Variants in GANAB observed in about 807,000 individuals in gnomAD.
The protein encoded by GANAB is neutral alpha-glucosidase AB.
GANAB carries 35 observed loss-of-function variants against 129.9 expected under a neutral mutation model. The ratio of observed to expected loss-of-function variants is 0.27; its 90% CI spans 0.21 to 0.36. The LOEUF (loss-of-function observed/expected upper bound fraction) is 0.36. GANAB is among the 10% of genes least tolerant of loss of function. GANAB has a pLI of 1.00. For synonymous variants in GANAB, 482 were observed against 451.8 expected, an observed-to-expected ratio of 1.07 and a Z score of -0.85; for missense variants, 939 against 1,221.0, an observed-to-expected ratio of 0.77 and a Z score of 3.44.
chr11:62,627,048 C>A lies in GANAB; in HGVS notation c.2322G>T (p.Glu774Asp), dbSNP rs757605917. Residue 774 changes from glutamate (E) to aspartate (D), a missense_variant and splice_region_variant, in exon 19 of 24, where the codon GAG becomes GAT. Around this residue, in one of 5 missense-constraint regions of GANAB, gnomAD observed 230 missense variants for 259.9 expected, o/e 0.89. Transcript: ENST00000356638. ...CCCACCATGCCCTTCCTTAACTCAC[C>A]TCCCCTTGGCCAGGCAGATAGACCT... ...GVQVYLPGQG[E>D]VWYDIQSYQK... The A allele has an allele frequency of 6.2e-7, 1 of 1,612,934 alleles. No homozygotes were observed. The highest frequency in any genetic ancestry group is 8.5e-7 in the Non-Finnish European group (1 of 1,179,028).
chr11:62,625,982 A>C, intron 23 of GANAB, 58 bp from the exon 24 acceptor site: 1 of 1,454,902 alleles, frequency 6.9e-7, no homozygotes, highest in Non-Finnish European at 9.7e-7. Context: ...CATAACAACA[A>C]CGTTCCTACA....
intron 17 of GANAB, 114 bp downstream of exon 17, chr11:62,628,655 T>C: frequency 9.1e-7 from 1 of 1,099,132 alleles, no homozygotes; most frequent in South Asian, 1.4e-5. Context: ...CTTAATGATT[T>C]TCCATCCTTT....
Position 62,626,673 on chromosome 11 carries a change from G to C in GANAB, c.2409C>G (p.Phe803Leu). 1 of 1,601,402 alleles carries C rather than the reference G, an allele frequency of 6.2e-7. No homozygotes were observed. The highest frequency in any genetic ancestry group is 8.5e-7 in the Non-Finnish European group (1 of 1,171,722). Residue 803 changes from phenylalanine to leucine, a missense_variant, in exon 21 of 24, where the codon TTC becomes TTG. Physicochemically the swap from Phe to Leu is conservative, Grantham distance 22. Coordinates refer to ENST00000356638, the MANE Select transcript of GANAB (RefSeq NM_198334.3). Reference sequence around the variant, plus strand: ...GAGGCACGATTGTCCCTCCACGCTGGAACACAGGGATCTAGGGCAAGAGCA... The same window carrying C: ...GAGGCACGATTGTCCCTCCACGCTGCAACACAGGGATCTAGGGCAAGAGCA... ...LPVTLSSIPV[F>L]QRGGTIVPRW...
chr11:62,638,628 AAGGAAGGAAGGAAGGAAG>A (rs1944070630), intron 4 of GANAB, among the ~76,000 whole-genome samples: 1 of 150,588 alleles, frequency 6.6e-6, no homozygotes, highest in East Asian at 2.0e-4. Context: ...GGAAGGAAGG[AAGGAAGGAAGGAAGGAAG>A]CAAGCAAACA....
intron 4 of GANAB, among the ~76,000 whole-genome samples, chr11:62,637,373 G>A (rs1281042908): frequency 6.6e-6 from 1 of 152,148 alleles, no homozygotes; most frequent in African/African-American, 2.4e-5. Flanking sequence ...CACGATGTCA[G>A]GAGATCGAGA....
Position 62,626,494 on chromosome 11 carries a change from G to A in GANAB, c.2512-47C>T, listed in dbSNP as rs1161329444. On this transcript the variant is annotated intron_variant, in intron 21 of 23. Coordinates refer to ENST00000356638, the MANE Select transcript of GANAB (RefSeq NM_198334.3). ...TGAGCGCCTGAGCCCAAGAGGGAGT[G>A]AGGGGCACAACCCCAGAGAACTGAG... is the stretch of plus-strand genomic sequence containing the variant. The A allele has an allele frequency of 7.9e-6, 12 of 1,509,846 alleles. No individual in the cohort carries two copies. The East Asian group carries it at 2.0e-4, about 25-fold the overall frequency. 93.5% of individuals were successfully genotyped at this position (1,509,846 alleles called of 1,614,324 possible).
At chr11:62,632,977 ATCTTCC>A (rs1403735061) in intron 8 of GANAB, 22 bp downstream of exon 8, 6 of 1,373,490 alleles carry the variant, frequency 4.4e-6, no homozygotes, top group Non-Finnish European at 5.2e-6. Flanking sequence ...GCCCACCTCC[ATCTTCC>A]TGATGTCACC....
chr11:62,631,973 C>A (rs565839184), intron 9 of GANAB, among the ~76,000 whole-genome samples: 4 of 150,372 alleles, frequency 2.7e-5, no homozygotes, highest in African/African-American at 4.9e-5. Context: ...GAGTCAGAAC[C>A]TTTCTTTTTT....
At chr11:62,640,519 T>G (rs1358246401) in intron 1 of GANAB, among the ~76,000 whole-genome samples, 1 of 86,002 alleles carries the variant, frequency 1.2e-5, no homozygotes, top group African/African-American at 4.9e-5. Context: ...GGTGACAGAG[T>G]GAGACTCCAT....
At chr11:62,632,783 C>T (rs1943749868) in intron 8 of GANAB, 38 bp from the exon 9 acceptor site, 3 of 1,550,570 alleles carry the variant, frequency 1.9e-6, no homozygotes, top group Non-Finnish European at 2.7e-6. Context: ...GCTAACTGGC[C>T]CCAGGCTGCG....
Position 62,628,849 on chromosome 11 carries a change from G to A in GANAB, c.2100C>T (p.Ala700=), listed in dbSNP as rs748286551. The A allele has an allele frequency of 1.2e-6, 2 of 1,614,058 alleles. No individual in the cohort carries two copies. The highest frequency in any genetic ancestry group is 4.5e-5 in the East Asian group (2 of 44,856). Reference sequence around the variant, plus strand: ...GCAGCAAAGAATATCGCTGGCCCAAGGCATCTCGGATTATATCATTGTGCT... The same window carrying A: ...GCAGCAAAGAATATCGCTGGCCCAAAGCATCTCGGATTATATCATTGTGCT... ...PSQHNDIIRD[A]LGQRYSLLPF... Residue 700 remains alanine, a synonymous_variant, in exon 17 of 24, where the codon GCC becomes GCT. Coordinates refer to ENST00000356638, the MANE Select transcript of GANAB (RefSeq NM_198334.3).
chr11:62,632,640 A>G lies in GANAB; in HGVS notation c.921T>C (p.Pro307=). Residue 307 remains proline (P), a synonymous_variant, in exon 9 of 24, where the codon CCT becomes CCC. Transcript: ENST00000356638. The part of the protein sequence containing the change: ...GSVPVLLAHN[P]HRDLGIFWLN... ...GCCAGAAGATGCCCAAGTCGCGATG[A>G]GGGTTGTGTGCCAGGAGCACAGGCA... The G allele has an allele frequency of 6.2e-7, 1 of 1,614,036 alleles. No individual in the cohort carries two copies. The highest frequency in any genetic ancestry group is 8.5e-7 in the Non-Finnish European group (1 of 1,179,916).
chr11:62,639,578 A>C, intron 2 of GANAB, 49 bp downstream of exon 2: 1 of 1,480,724 alleles, frequency 6.8e-7, no homozygotes, highest in South Asian at 1.1e-5. Context: ...TATCTCCCAC[A>C]TTACCCTACA....
chr11:62,645,812 C>A (rs990481015), intron 1 of GANAB, among the ~76,000 whole-genome samples: 6 of 152,214 alleles, frequency 3.9e-5, no homozygotes, highest in South Asian at 4.1e-4. Flanking sequence ...TTATGATCCA[C>A]GCTTTCTTCA....
intron 1 of GANAB, 22 bp from the exon 2 acceptor site, chr11:62,639,753 C>T: frequency 6.5e-7 from 1 of 1,535,666 alleles, no homozygotes; most frequent in Non-Finnish European, 9.0e-7. Flanking sequence ...AGGACAAAGA[C>T]AGAGCAATCA....
intron 9 of GANAB, among the ~76,000 whole-genome samples, chr11:62,631,441 T>C (rs1267349283): frequency 1.3e-5 from 2 of 151,360 alleles, no homozygotes; most frequent in Admixed American, 6.6e-5. Context: ...TTGTTAGCAC[T>C]TAATCACCCC....
chr11:62,639,977 T>G (rs1223788538), intron 1 of GANAB: 1 of 458,584 alleles, frequency 2.2e-6, no homozygotes, highest in Admixed American at 3.5e-5. Context: ...GGCTCACTCC[T>G]GTAATCCCAG....
At chr11:62,627,415 C>T in intron 17 of GANAB, 62 bp from the exon 18 acceptor site, 4 of 861,194 alleles carry the variant, frequency 4.6e-6, no homozygotes, top group Non-Finnish European at 8.1e-6. Context: ...CAGAAATGCT[C>T]CTCCAGGAAC....
At chr11:62,637,460 G>A (rs917859970) in intron 4 of GANAB, among the ~76,000 whole-genome samples, 1 of 151,974 alleles carries the variant, frequency 6.6e-6, no homozygotes. Context: ...AACCACTTTG[G>A]CTTTATCTTG....
Sources: allele counts gnomAD v4.1 joint callset (sites outside exome capture counted in the v4.1 genomes callset), GRCh38; gene constraint gnomAD v4.1.1; regional missense constraint gnomAD v4.1.1; transcripts MANE v1.5; gene names NCBI Gene and HGNC (gene_info 2026-07-23, HGNC 2026-07-21).